SMARCA5: variants seen among roughly 807,000 people sequenced by gnomAD.
SMARCA5 encodes the protein SNF2 related chromatin remodeling ATPase 5.
A neutral mutation model predicts 140.4 loss-of-function variants in SMARCA5; 18 were observed. The ratio of observed to expected loss-of-function variants is 0.13; its 90% CI spans 0.09 to 0.19. The LOEUF (loss-of-function observed/expected upper bound fraction) is 0.19, where lower values mean the gene tolerates loss of function less well. Among genes scored for constraint, SMARCA5 ranks in the 10% least tolerant of loss-of-function variants. The pLI is 1.00. For synonymous variants in SMARCA5, 449 were observed against 419.6 expected, an observed-to-expected ratio of 1.07 and a Z score of -0.86; for missense variants, 606 against 1,276.8, an observed-to-expected ratio of 0.47 and a Z score of 8.01.
rs774776779 is a variant in SMARCA5, at chr4:143,546,926, G to T, written c.2653+18G>T. ...ATATTCAGGTAATTCTTTTAAGCAG[G>T]CTGTTGGAGTTTAGTAAGAGCTGTT... is the stretch of plus-strand genomic sequence containing the variant. On this transcript the variant is annotated intron_variant, in intron 20 of 23. Coordinates refer to ENST00000283131, the MANE Select transcript of SMARCA5 (RefSeq NM_003601.4). The T allele has an allele frequency of 5.6e-6, 9 of 1,610,180 alleles. No individual in the cohort carries two copies. In the East Asian group the frequency reaches 2.0e-4, roughly 36 times the overall value.
At chr4:143,543,774 G>T in intron 15 of SMARCA5, 79 bp from the exon 16 acceptor site, 1 of 1,522,864 alleles carries the variant, frequency 6.6e-7, no homozygotes, top group Non-Finnish European at 8.9e-7. Flanking sequence ...TTTTGTGTAC[G>T]TGAAGTTAAT....
In SMARCA5 at chr4:143,554,752, G is replaced by A. The variant is rs1312828261; in HGVS notation, c.*1568G>A. The A allele has an allele frequency of 2.9e-5, 5 of 172,358 alleles. 1 individual carries two copies. Among genetic ancestry groups the A allele is most frequent in the Non-Finnish European group, 3.7e-5 (3 of 81,532 alleles). 10.7% of individuals were successfully genotyped at this position (172,358 alleles called of 1,614,324 possible). On this transcript the variant is annotated 3_prime_UTR_variant, in exon 24 of 24. Transcript: ENST00000283131. ...ATGAAAGGAAAAAGAATTTGTAAGA[G>A]TTATCACCTCAGTTTGGAAGAAATT...
intron 20 of SMARCA5, among the ~76,000 whole-genome samples, chr4:143,547,166 T>A (rs1237076871): frequency 6.6e-6 from 1 of 152,170 alleles, no homozygotes; most frequent in Non-Finnish European, 1.5e-5. Flanking sequence ...GCCCTTGCAT[T>A]TTTATCTTAA....
At chr4:143,534,708 G>C in intron 9 of SMARCA5, 147 bp from the exon 10 acceptor site, 1 of 574,418 alleles carries the variant, frequency 1.7e-6, no homozygotes, top group South Asian at 2.5e-5. Context: ...AGATATGACT[G>C]TATTTGCAGG....
intron 5 of SMARCA5, 151 bp from the exon 6 acceptor site, chr4:143,526,130 T>TA (rs1737067720): frequency 1.5e-6 from 1 of 654,672 alleles, no homozygotes; most frequent in Admixed American, 2.9e-5. Context: ...ACATAACACT[T>TA]ACAAACTTTG....
chr4:143,532,517 C>G (rs534515874), intron 9 of SMARCA5, among the ~76,000 whole-genome samples: 1 of 152,146 alleles, frequency 6.6e-6, no homozygotes, highest in Admixed American at 6.5e-5. Context: ...TTGTAGCTAC[C>G]TCTCTACTTT....
Position 143,514,420 on chromosome 4 carries a change from A to G in SMARCA5, c.177+319A>G, listed in dbSNP as rs74841973. 11 of 307,968 alleles carry G rather than the reference A, an allele frequency of 3.6e-5. No homozygotes were observed. The East Asian group carries it at 5.9e-4, about 17-fold the overall frequency. 19.1% of individuals were successfully genotyped at this position (307,968 alleles called of 1,614,324 possible). A position where few individuals can be genotyped will look rare whatever the true frequency, so the allele number is the denominator to read the frequency against. On this transcript the variant is annotated intron_variant, in intron 1 of 23. Coordinates refer to ENST00000283131, the MANE Select transcript of SMARCA5 (RefSeq NM_003601.4). The stretch of plus-strand genomic sequence containing the variant: ...GGGGACCCATCGTTTTTTTCCCACT[A>G]GACTCCCATAATTCCCTCTCCTACC...
chr4:143,541,919 A>G (rs2149823447), intron 14 of SMARCA5, among the ~76,000 whole-genome samples: 1 of 151,296 alleles, frequency 6.6e-6, no homozygotes, highest in South Asian at 2.1e-4. Flanking sequence ...GTGCAATGGC[A>G]CGATCTCGGC....
At chr4:143,550,143 A>T (rs533806528) in intron 23 of SMARCA5, 39 bp downstream of exon 23, 1 of 1,209,938 alleles carries the variant, frequency 8.3e-7, no homozygotes, top group African/African-American at 1.6e-5. Context: ...GGATTATGTA[A>T]ATTTCCCCTT....
At chr4:143,532,615 G>A (rs1051963757) in intron 9 of SMARCA5, among the ~76,000 whole-genome samples, 4 of 152,128 alleles carry the variant, frequency 2.6e-5, no homozygotes, top group African/African-American at 9.7e-5. Context: ...GATGCGCTTA[G>A]GAATGAGATA....
chr4:143,520,407 T>C (rs1736932151), intron 2 of SMARCA5, among the ~76,000 whole-genome samples: 1 of 152,212 alleles, frequency 6.6e-6, no homozygotes, highest in African/African-American at 2.4e-5. Context: ...ACTGTGCAGA[T>C]TCATTTGCTG....
intron 3 of SMARCA5, among the ~76,000 whole-genome samples, chr4:143,523,496 A>G (rs1446693464): frequency 6.6e-6 from 1 of 152,240 alleles, no homozygotes; most frequent in Non-Finnish European, 1.5e-5. Flanking sequence ...TGGAGAATAA[A>G]TAGGGGATGG....
intron 6 of SMARCA5, among the ~76,000 whole-genome samples, chr4:143,526,707 A>G (rs890490150): frequency 3.9e-5 from 6 of 152,156 alleles, no homozygotes; most frequent in African/African-American, 1.4e-4. Flanking sequence ...TAAAAACTCA[A>G]AAAATTAGCT....
chr4:143,538,968 G>T (rs185165895), intron 13 of SMARCA5, 30 bp downstream of exon 13: 17 of 1,595,642 alleles, frequency 1.1e-5, no homozygotes, highest in Non-Finnish European at 1.4e-5. Context: ...TATATTCTGT[G>T]CTTAGTAGAT....
chr4:143,535,016 C>A, intron 10 of SMARCA5, 52 bp downstream of exon 10: 1 of 1,253,632 alleles, frequency 8.0e-7, no homozygotes, highest in Non-Finnish European at 1.1e-6. Flanking sequence ...CCCTAAATTT[C>A]ATGTGTATTT....
Position 143,555,604 on chromosome 4 carries a change from G to T in SMARCA5, c.*2420G>T. ...TTTTAACAACAAAGCATGAAAGATT[G>T]CTTAATTGTACATCTGACAAAGTGC... On this transcript the variant is annotated 3_prime_UTR_variant, in exon 24 of 24. Coordinates refer to ENST00000283131, the MANE Select transcript of SMARCA5 (RefSeq NM_003601.4). The T allele has an allele frequency of 3.4e-6, 1 of 290,332 alleles. No individual in the cohort carries two copies. Among genetic ancestry groups the T allele is most frequent in the Non-Finnish European group, 6.7e-6 (1 of 150,202 alleles). 18.0% of individuals were successfully genotyped at this position (290,332 alleles called of 1,614,324 possible).
chr4:143,539,158 C>T (rs553437395), intron 13 of SMARCA5, among the ~76,000 whole-genome samples: 1 of 152,244 alleles, frequency 6.6e-6, no homozygotes, highest in East Asian at 1.9e-4. Flanking sequence ...TGCTATACTG[C>T]ATCCTATTGG....
intron 9 of SMARCA5, among the ~76,000 whole-genome samples, chr4:143,533,766 C>T (rs908019127): frequency 1.4e-4 from 22 of 152,058 alleles, no homozygotes; most frequent in Admixed American, 1.1e-3. Context: ...CTCGGCCTCC[C>T]GACCCTTGCC....
chr4:143,534,071 G>A (rs2149821215), intron 9 of SMARCA5, among the ~76,000 whole-genome samples: 1 of 151,888 alleles, frequency 6.6e-6, no homozygotes, highest in East Asian at 1.9e-4. Context: ...TGTTTACTCT[G>A]TTTTTAAAGC....
Sources: gnomAD v4.1 joint callset for allele counts (sites outside exome capture counted in the v4.1 genomes callset) on GRCh38, gnomAD v4.1.1 for gene constraint, MANE v1.5 for transcripts, NCBI Gene and HGNC (gene_info 2026-07-23, HGNC 2026-07-21) for gene names.